Variants in LRSAM1 observed in about 807,000 individuals in gnomAD.
LRSAM1 encodes the protein E3 ubiquitin-protein ligase LRSAM1.
A neutral mutation model predicts 118.1 loss-of-function variants in LRSAM1; 96 were observed. That is an observed-to-expected ratio of 0.81 (90% confidence interval 0.69 to 0.96). The LOEUF (loss-of-function observed/expected upper bound fraction) is 0.96, where lower values mean the gene tolerates loss of function less well. LRSAM1 is among the 40% of genes least tolerant of loss of function. The probability of loss-of-function intolerance (pLI) is 0.00; values close to 1 mark genes in which losing one functional copy is unlikely to be tolerated. For synonymous variants in LRSAM1, 322 were observed against 364.2 expected, an observed-to-expected ratio of 0.88 and a Z score of 1.32; for missense variants, 804 against 915.5, an observed-to-expected ratio of 0.88 and a Z score of 1.57.
At position 127,465,959 on chromosome 9, in the gene LRSAM1, A is replaced by G. The variant is rs144438187; in HGVS notation, c.529-1781A>G. ...ATGTGTGCGCTGATAAACATTTGTC[A>G]TTACATAATTTAAAAGTCATACTGT... On this transcript the variant is annotated intron_variant, in intron 9 of 25. Transcript: ENST00000300417. This position sits in a 1 kb window ranked among gnomAD's most constrained non-coding sequence, Gnocchi z 4.1. Among the ~76,000 whole-genome samples the G allele has an allele frequency of 8.5e-5, 13 of 152,048 alleles. No homozygotes were observed. The highest frequency in any genetic ancestry group is 2.4e-4 in the African/African-American group (10 of 41,456).
intron 16 of LRSAM1, 37 bp from the exon 17 acceptor site, chr9:127,485,699 C>T: frequency 6.2e-7 from 1 of 1,603,766 alleles, no homozygotes; most frequent in Non-Finnish European, 8.5e-7. Flanking sequence ...CAGGAGCAGC[C>T]ACTCCACTCA....
At chr9:127,493,481 ATTCTT>A (rs748134215) in intron 21 of LRSAM1, among the ~76,000 whole-genome samples, 2 of 152,186 alleles carry the variant, frequency 1.3e-5, no homozygotes, top group Non-Finnish European at 2.9e-5. Context: ...GTTTCCGCAC[ATTCTT>A]TTCAAGTCAT....
At chr9:127,462,649 G>T (rs1397781273) in intron 9 of LRSAM1, among the ~76,000 whole-genome samples, 4 of 152,098 alleles carry the variant, frequency 2.6e-5, no homozygotes, top group Non-Finnish European at 5.9e-5. Context: ...GTTGTCGGTA[G>T]GGGAACAACA....
chr9:127,487,593 T>C, intron 17 of LRSAM1, 83 bp from the exon 18 acceptor site: 1 of 1,330,144 alleles, frequency 7.5e-7, no homozygotes, highest in Non-Finnish European at 1.1e-6. Flanking sequence ...ATGGGTTATC[T>C]TGATCTCCTC....
chr9:127,473,524 C>T (rs1172551304), intron 10 of LRSAM1, among the ~76,000 whole-genome samples: 5 of 152,190 alleles, frequency 3.3e-5, no homozygotes, highest in African/African-American at 9.7e-5. Context: ...CACTGCTTAT[C>T]TCAGGCTTTT....
chr9:127,466,594 C>A (rs1425916532), intron 9 of LRSAM1, among the ~76,000 whole-genome samples: 5 of 139,736 alleles, frequency 3.6e-5, no homozygotes, highest in African/African-American at 1.3e-4. Flanking sequence ...CTGAAGTGAT[C>A]CTCCCACCTT....
chr9:127,487,911 GTGAGGGGTGGGAGAGGC>G (rs1278269328), intron 18 of LRSAM1, 148 bp downstream of exon 18: 21 of 646,052 alleles, frequency 3.3e-5, no homozygotes, highest in Non-Finnish European at 5.5e-5. Flanking sequence ...AGTGATCAGG[GTGAGGGGTGGGAGAGGC>G]TGAGGGGGGG....
At chr9:127,464,087 G>A (rs1049942704) in intron 9 of LRSAM1, among the ~76,000 whole-genome samples, 7 of 152,198 alleles carry the variant, frequency 4.6e-5, no homozygotes, top group African/African-American at 7.2e-5. Flanking sequence ...CCAGCATTCC[G>A]GAGTGGCCTG....
chr9:127,501,155 GC>G lies in LRSAM1; in HGVS notation c.2046+15del. ...GCCTGGAACGGGAGGTAAGTCCGGG[GC>G]CCTCCCCACCCGCCTGCCCTGCCTG... On this transcript the variant is annotated intron_variant, in intron 25 of 25. Transcript: ENST00000300417. 1 of 1,608,074 alleles carries G rather than the reference GC, an allele frequency of 6.2e-7. No individual in the cohort carries two copies. The highest frequency in any genetic ancestry group is 8.5e-7 in the Non-Finnish European group (1 of 1,178,624).
At position 127,485,760 on chromosome 9, in the gene LRSAM1, A is replaced by C; in HGVS notation, c.1184A>C (p.Glu395Ala). The change falls in exon 17 of 26, where the codon GAG becomes GCG. Residue 395 changes from glutamate (E) to alanine (A), a missense_variant. Coordinates refer to ENST00000300417, the MANE Select transcript of LRSAM1 (RefSeq NM_001005373.4). ...VASAMQQMLTESCKNRLIQMA... is the reference protein window; with the variant it reads ...VASAMQQMLTASCKNRLIQMA... The stretch of plus-strand genomic sequence containing the variant: ...GCCGCCATGCAGCAGATGCTGACTG[A>C]GAGCTGTAAGAACCGGCTCATCCAG... 5 of 1,614,126 alleles carry C rather than the reference A, an allele frequency of 3.1e-6. No individual in the cohort carries two copies. The highest frequency in any genetic ancestry group is 4.2e-6 in the Non-Finnish European group (5 of 1,180,022).
chr9:127,461,105 C>T (rs1038996833), intron 7 of LRSAM1, 68 bp from the exon 8 acceptor site: 10 of 1,238,764 alleles, frequency 8.1e-6, no homozygotes, highest in South Asian at 2.4e-5. Context: ...CCACCTGCCT[C>T]GGCCTCCCAA....
intron 24 of LRSAM1, among the ~76,000 whole-genome samples, chr9:127,499,668 C>T (rs566332695): frequency 2.0e-5 from 3 of 152,194 alleles, no homozygotes; most frequent in African/African-American, 4.8e-5. Context: ...CGGTGCCTCA[C>T]GCCTGTAATC....
intron 24 of LRSAM1, 119 bp downstream of exon 24, chr9:127,497,453 C>A: frequency 1.9e-6 from 2 of 1,041,714 alleles, no homozygotes; most frequent in Non-Finnish European, 2.9e-6. Context: ...CTAGCCTCTG[C>A]TGGTCGGTAA....
chr9:127,487,045 G>A (rs747224064), intron 17 of LRSAM1, among the ~76,000 whole-genome samples: 1 of 151,964 alleles, frequency 6.6e-6, no homozygotes, highest in African/African-American at 2.4e-5. Context: ...TTAGCCAAAC[G>A]TAGCAGTGGG....
At chr9:127,482,701 T>G (rs1019157945) in intron 15 of LRSAM1, among the ~76,000 whole-genome samples, 4 of 152,234 alleles carry the variant, frequency 2.6e-5, no homozygotes, top group African/African-American at 4.8e-5. Flanking sequence ...ATTTCAGCAT[T>G]GGCTATTTGC....
At chr9:127,501,248 G>A in intron 25 of LRSAM1, 105 bp downstream of exon 25, 10 of 1,416,402 alleles carry the variant, frequency 7.1e-6, no homozygotes, top group Non-Finnish European at 8.6e-6. Flanking sequence ...AGTTCTCTAA[G>A]TAGACTGTGC....
At chr9:127,467,098 C>T (rs1285136334) in intron 9 of LRSAM1, among the ~76,000 whole-genome samples, 1 of 152,094 alleles carries the variant, frequency 6.6e-6, no homozygotes, top group Non-Finnish European at 1.5e-5. Context: ...TAGCTGGCAA[C>T]CGAGAGGCAG....
intron 16 of LRSAM1, among the ~76,000 whole-genome samples, chr9:127,484,899 C>T (rs990932395): frequency 2.0e-5 from 3 of 150,426 alleles, no homozygotes; most frequent in African/African-American, 4.9e-5. Flanking sequence ...CCTCTGCCTC[C>T]CGGGTTCAAG....
chr9:127,483,144 C>A, intron 16 of LRSAM1, 124 bp downstream of exon 16: 1 of 860,276 alleles, frequency 1.2e-6, no homozygotes, highest in South Asian at 1.5e-5. Context: ...GAGGGGCAGT[C>A]AAGTCCTGCC....
Sources: gnomAD v4.1 joint callset for allele counts (sites outside exome capture counted in the v4.1 genomes callset) on GRCh38, gnomAD v4.1.1 for gene constraint, Gnocchi (gnomAD v3.1) non-coding constraint, MANE v1.5 for transcripts, NCBI Gene and HGNC (gene_info 2026-07-23, HGNC 2026-07-21) for gene names.